ADGRL2: variants seen among roughly 807,000 people sequenced by gnomAD.
The protein encoded by ADGRL2 is adhesion G protein-coupled receptor L2, also known as calcium-independent alpha-latrotoxin receptor 2.
ADGRL2 carries 44 observed loss-of-function variants against 157.4 expected under a neutral mutation model. The observed-to-expected ratio is 0.28, with a 90% confidence interval of 0.22 to 0.36. The LOEUF is 0.36. Ranked by LOEUF, ADGRL2 falls within the 10% of genes least tolerant of loss-of-function variation. The pLI is 1.00. For synonymous variants in ADGRL2, 585 were observed against 624.7 expected (o/e 0.94, Z 0.95); for missense variants, 1,510 against 1,768.9 (o/e 0.85, Z 2.63).
At chr1:81,900,676 A>C (rs1372698455) in intron 2 of ADGRL2, among the ~76,000 whole-genome samples, 1 of 152,194 alleles carries the variant, frequency 6.6e-6, no homozygotes, top group East Asian at 1.9e-4. Flanking sequence ...TTCTTAACTA[A>C]CTGGGAAGCT....
rs1353143759 is a variant in ADGRL2, at chr1:81,747,194, TGC to T, written c.-142-14616_-142-14615del. On this transcript the variant is annotated intron_variant, in intron 1 of 20. Transcript: ENST00000359929. ...ATATATACATATATGTATGTGTGTA[TGC>T]ATGTATATATATGTATGTGTGTATA... 5.8e-5 allele frequency among the ~76,000 whole-genome samples: 8 copies of T among 137,398 alleles called. No homozygotes were observed. The South Asian group carries it at 1.4e-3, about 25-fold the overall frequency. The allele number at this position is 137,398 out of a possible 152,430, so 90.1% of individuals were successfully genotyped here.
At chr1:81,390,954 A>T (rs1435725984) in intron 1 of ADGRL2, among the ~76,000 whole-genome samples, 19 of 152,290 alleles carry the variant, frequency 1.2e-4, no homozygotes, top group Non-Finnish European at 2.9e-5. Context: ...CTGCTGCGTC[A>T]TGTATTTTCT....
intron 1 of ADGRL2, among the ~76,000 whole-genome samples, chr1:81,706,782 A>G (rs1352960003): frequency 6.6e-6 from 1 of 152,176 alleles, no homozygotes; most frequent in Non-Finnish European, 1.5e-5. Context: ...TCAGGCATCA[A>G]GGAGGAGACA....
chr1:81,756,619 T>C (rs1022155751), intron 1 of ADGRL2, among the ~76,000 whole-genome samples: 1 of 152,174 alleles, frequency 6.6e-6, no homozygotes, highest in Non-Finnish European at 1.5e-5. Context: ...AAACCTTTTG[T>C]AGTTTGAAAC....
intron 1 of ADGRL2, among the ~76,000 whole-genome samples, chr1:81,437,820 G>C (rs971507716): frequency 6.6e-6 from 1 of 152,166 alleles, no homozygotes; most frequent in Non-Finnish European, 1.5e-5. Context: ...GACAATAATA[G>C]AACTGAATGA....
At chr1:81,619,222 C>A (rs2081733791) in intron 3 of ADGRL2, among the ~76,000 whole-genome samples, 1 of 151,638 alleles carries the variant, frequency 6.6e-6, no homozygotes, top group African/African-American at 2.4e-5. Context: ...GAGAAAGGAG[C>A]TGGAACGTAT....
chr1:81,764,056 G>T (rs550509225), intron 2 of ADGRL2, among the ~76,000 whole-genome samples: 1 of 141,126 alleles, frequency 7.1e-6, no homozygotes, highest in East Asian at 2.1e-4. Context: ...GCCAGGCTTG[G>T]TGGCACACGC....
intron 2 of ADGRL2, among the ~76,000 whole-genome samples, chr1:81,842,245 T>C (rs748306322): frequency 6.6e-6 from 1 of 152,082 alleles, no homozygotes; most frequent in African/African-American, 2.4e-5. Flanking sequence ...TCCAGTTGTT[T>C]CTTGGGAGTT....
intron 2 of ADGRL2, among the ~76,000 whole-genome samples, chr1:81,857,544 G>C (rs953536524): frequency 2.0e-5 from 3 of 152,082 alleles, no homozygotes; most frequent in Non-Finnish European, 4.4e-5. Flanking sequence ...TTGGCATTGC[G>C]TAGTCACCTC....
chr1:81,315,134 G>C (rs1294340710), intron 1 of ADGRL2, among the ~76,000 whole-genome samples: 1 of 152,038 alleles, frequency 6.6e-6, no homozygotes, highest in Non-Finnish European at 1.5e-5. Flanking sequence ...GCATAATTTT[G>C]CATCAGAGTG....
At chr1:81,322,087 CATATATAT>C (rs148181887) in intron 1 of ADGRL2, among the ~76,000 whole-genome samples, 6 of 112,466 alleles carry the variant, frequency 5.3e-5, no homozygotes, top group Non-Finnish European at 7.5e-5. Flanking sequence ...AGGACTAATT[CATATATAT>C]ATATATATAT....
At position 81,943,172 on chromosome 1, in the gene ADGRL2, T is replaced by C. The variant is rs759705946; in HGVS notation, c.613T>C (p.Tyr205His). The C allele has an allele frequency of 1.9e-6, 3 of 1,613,536 alleles. No homozygotes were observed. The highest frequency in any genetic ancestry group is 1.1e-5 in the South Asian group (1 of 91,070). Residue 205 changes from tyrosine (Y) to histidine (H), a missense_variant, in exon 6 of 24, where the codon TAT becomes CAT. By Grantham distance (83) the Tyr-to-His change is moderately conservative (BLOSUM62 2). Around this residue, in one of 4 missense-constraint regions of ADGRL2, gnomAD observed 361 missense variants for 498.4 expected, o/e 0.72. Transcript: ENST00000686636. The surrounding 1 kb of genome is among the most constrained non-coding windows in gnomAD (Gnocchi z 5.6). Reference protein sequence around the residue: ...DFQNSRQTTTYKLPNRVDGTG... With the variant: ...DFQNSRQTTTHKLPNRVDGTG... The stretch of plus-strand genomic sequence containing the variant: ...CCAAAATAGTCGCCAAACAACAACA[T>C]ATAAACTTCCAAATCGAGTAGATGG...
At chr1:81,867,264 A>G (rs1303494771) in intron 2 of ADGRL2, among the ~76,000 whole-genome samples, 2 of 152,204 alleles carry the variant, frequency 1.3e-5, no homozygotes, top group Non-Finnish European at 2.9e-5. Flanking sequence ...TACAGCCAAA[A>G]AAGCCTGTAT....
At chr1:81,721,206 G>A (rs1235549134) in intron 1 of ADGRL2, among the ~76,000 whole-genome samples, 1 of 150,398 alleles carries the variant, frequency 6.6e-6, no homozygotes, top group South Asian at 2.1e-4. Context: ...AAATGGTAAC[G>A]GCATACATTT....
intron 2 of ADGRL2, among the ~76,000 whole-genome samples, chr1:81,530,641 G>A (rs778058476): frequency 2.8e-4 from 42 of 152,098 alleles, no homozygotes; most frequent in Non-Finnish European, 4.4e-4. Context: ...GAGCCACCAT[G>A]CCTGGCCTTG....
At chr1:81,723,035 A>T (rs879000581) in intron 1 of ADGRL2, 1 of 765,498 alleles carries the variant, frequency 1.3e-6, no homozygotes, top group African/African-American at 1.7e-5. Flanking sequence ...TATGAATCTT[A>T]TCAGTAAATT....
rs575742750 is a variant in ADGRL2 at position 81,907,366 on chromosome 1, A to C, written c.287+136A>C. 1.2e-5 allele frequency: 8 copies of C among 652,624 alleles called. No homozygotes were observed. In the South Asian group the frequency reaches 1.5e-4, roughly 12 times the overall value. 40.4% of individuals were successfully genotyped at this position (652,624 alleles called of 1,614,324 possible). On this transcript the variant is annotated intron_variant, in intron 3 of 23. Coordinates refer to ENST00000686636, the MANE Select transcript of ADGRL2 (RefSeq NM_001366006.2). ...AAACTGAGTTGGGTTTTTACCTACT[A>C]ATGTTGATATCTACACTTTATATTT...
chr1:81,354,373 T>A (rs1180740186), intron 1 of ADGRL2, among the ~76,000 whole-genome samples: 1 of 152,190 alleles, frequency 6.6e-6, no homozygotes, highest in African/African-American at 2.4e-5. Context: ...CCTCTGTAAA[T>A]CCATACTCTG....
intron 15 of ADGRL2, among the ~76,000 whole-genome samples, chr1:81,969,923 A>C (rs1658222821): frequency 6.6e-6 from 1 of 152,212 alleles, no homozygotes; most frequent in Non-Finnish European, 1.5e-5. Context: ...AAAAAATAGA[A>C]ATAATATATT....
Sources: allele counts gnomAD v4.1 joint callset (sites outside exome capture counted in the v4.1 genomes callset), GRCh38; gene constraint gnomAD v4.1.1; regional missense constraint gnomAD v4.1.1; non-coding constraint Gnocchi (gnomAD v3.1); transcripts MANE v1.5; gene names NCBI Gene and HGNC (gene_info 2026-07-23, HGNC 2026-07-21).